PTPN9: variants seen among roughly 807,000 people sequenced by gnomAD.
PTPN9 encodes the protein protein tyrosine phosphatase non-receptor type 9.
Under a neutral mutation model 69.8 loss-of-function variants are expected in PTPN9, and 26 were observed. The observed-to-expected ratio is 0.37, with a 90% CI of 0.27 to 0.52. The LOEUF is 0.52. Among genes scored for constraint, PTPN9 ranks in the 20% least tolerant of loss-of-function variants. The probability of loss-of-function intolerance (pLI) is 0.91; values close to 1 mark genes in which losing one functional copy is unlikely to be tolerated. For synonymous variants in PTPN9, 274 were observed against 272.5 expected (o/e 1.01, Z -0.05); for missense variants, 549 against 740.3 (o/e 0.74, Z 3.00).
intron 1 of PTPN9, among the ~76,000 whole-genome samples, chr15:75,554,732 A>G (rs2075069998): frequency 6.6e-6 from 1 of 152,192 alleles, no homozygotes; most frequent in Non-Finnish European, 1.5e-5. Flanking sequence ...TACCTAAGAG[A>G]CTATTTGCAA....
chr15:75,472,619 C>G (rs1595944924), intron 10 of PTPN9, among the ~76,000 whole-genome samples: 1 of 152,062 alleles, frequency 6.6e-6, no homozygotes, highest in East Asian at 1.9e-4. Flanking sequence ...TGGTAAAACC[C>G]CATCTCTACT....
intron 1 of PTPN9, among the ~76,000 whole-genome samples, chr15:75,570,508 G>C (rs942028932): frequency 4.6e-5 from 7 of 152,160 alleles, no homozygotes; most frequent in African/African-American, 1.7e-4. Flanking sequence ...AGTGGCTCAT[G>C]CCTGTAATCC....
At chr15:75,517,398 A>G in intron 4 of PTPN9, 34 bp from the exon 5 acceptor site, 1 of 1,564,580 alleles carries the variant, frequency 6.4e-7, no homozygotes, top group Non-Finnish European at 8.8e-7. Context: ...AACATTTGTA[A>G]GTAAGCAGAT....
chr15:75,475,424 T>G (rs2074590462), intron 9 of PTPN9, among the ~76,000 whole-genome samples: 1 of 151,950 alleles, frequency 6.6e-6, no homozygotes, highest in Non-Finnish European at 1.5e-5. Flanking sequence ...ACTAAAAATA[T>G]GAAAATTAGC....
At chr15:75,516,741 C>CTTTTTT (rs34906409) in intron 5 of PTPN9, among the ~76,000 whole-genome samples, 5 of 87,926 alleles carry the variant, frequency 5.7e-5, no homozygotes, top group Admixed American at 2.6e-4. Context: ...TGTTCCTGTG[C>CTTTTTT]TTTTTTTTTT....
intron 1 of PTPN9, among the ~76,000 whole-genome samples, chr15:75,557,694 CTAT>C (rs1368110597): frequency 6.6e-6 from 1 of 152,112 alleles, no homozygotes; most frequent in African/African-American, 2.4e-5. Context: ...TAGGGCTTAG[CTAT>C]TATTATTATC....
chr15:75,468,607 C>T lies in PTPN9; in HGVS notation c.*162G>A. The stretch of plus-strand genomic sequence containing the variant: ...CTAGTGGCAATTTCACCACATTTAT[C>T]TAGCCAAAGGGAAAGGCTGCCTTGC... On this transcript the variant is annotated 3_prime_UTR_variant, in exon 13 of 13. Coordinates refer to ENST00000618819, the MANE Select transcript of PTPN9 (RefSeq NM_002833.4). The T allele has an allele frequency of 1.7e-6, 1 of 604,286 alleles. No homozygotes were observed. The highest frequency in any genetic ancestry group is 2.7e-5 in the East Asian group (1 of 36,808). 37.4% of individuals were successfully genotyped at this position (604,286 alleles called of 1,614,324 possible). A position where few individuals can be genotyped will look rare whatever the true frequency, so the allele number is the denominator to read the frequency against.
intron 1 of PTPN9, among the ~76,000 whole-genome samples, chr15:75,554,739 G>A (rs370688869): frequency 1.3e-5 from 2 of 152,282 alleles, no homozygotes; most frequent in East Asian, 3.9e-4. Flanking sequence ...GAGACTATTT[G>A]CAAACCTACA....
At chr15:75,507,344 G>A (rs1156537174) in intron 6 of PTPN9, among the ~76,000 whole-genome samples, 1 of 151,916 alleles carries the variant, frequency 6.6e-6, no homozygotes, top group Non-Finnish European at 1.5e-5. Flanking sequence ...TACTTGGGAG[G>A]CTGAGGCAGG....
chr15:75,480,822 C>T (rs1038846383), intron 8 of PTPN9: 5 of 502,870 alleles, frequency 9.9e-6, no homozygotes, highest in Non-Finnish European at 1.5e-5. Context: ...CCGCGGGGCC[C>T]GAGGGCAAGG....
chr15:75,522,468 C>T (rs1366437743), intron 4 of PTPN9, among the ~76,000 whole-genome samples: 1 of 151,998 alleles, frequency 6.6e-6, no homozygotes, highest in South Asian at 2.1e-4. Flanking sequence ...TGGCTCACTA[C>T]AGCTTCACCA....
chr15:75,508,654 A>G (rs1482689000), intron 6 of PTPN9, among the ~76,000 whole-genome samples: 2 of 152,218 alleles, frequency 1.3e-5, no homozygotes, highest in African/African-American at 2.4e-5. Flanking sequence ...CTTCAGTACT[A>G]TCTTATGCAA....
intron 7 of PTPN9, among the ~76,000 whole-genome samples, chr15:75,500,483 G>C (rs745910718): frequency 6.6e-6 from 1 of 151,996 alleles, no homozygotes; most frequent in Non-Finnish European, 1.5e-5. Context: ...GGTTGCAGTG[G>C]GCCGAAATCA....
chr15:75,576,762 C>T (rs756377402), intron 1 of PTPN9, among the ~76,000 whole-genome samples: 1 of 152,016 alleles, frequency 6.6e-6, no homozygotes, highest in Non-Finnish European at 1.5e-5. Flanking sequence ...GAGCCAAGAT[C>T]AGGCCACTGC....
At position 75,469,002 on chromosome 15, in the gene PTPN9, G is replaced by C; in HGVS notation, c.1568-19C>G. ...AAGGTACCTGAAGAAGGAAGGAAGTGATCACATCTGGTTTACCTCTCTTCT... is the reference window on the plus strand; with the variant it reads ...AAGGTACCTGAAGAAGGAAGGAAGTCATCACATCTGGTTTACCTCTCTTCT... On this transcript the variant is annotated intron_variant, in intron 12 of 12. Coordinates refer to ENST00000618819, the MANE Select transcript of PTPN9 (RefSeq NM_002833.4). The C allele has an allele frequency of 1.3e-6, 2 of 1,588,690 alleles. No individual in the cohort carries two copies. The highest frequency in any genetic ancestry group is 1.7e-6 in the Non-Finnish European group (2 of 1,158,904).
intron 1 of PTPN9, among the ~76,000 whole-genome samples, chr15:75,529,637 C>T (rs757742477): frequency 7.9e-5 from 12 of 152,134 alleles, no homozygotes; most frequent in Admixed American, 2.6e-4. Flanking sequence ...GGACCGGGCA[C>T]GGTGGCCCAC....
At chr15:75,564,214 G>C (rs1477765446) in intron 1 of PTPN9, among the ~76,000 whole-genome samples, 1 of 151,836 alleles carries the variant, frequency 6.6e-6, no homozygotes, top group African/African-American at 2.4e-5. Flanking sequence ...GCCTCCCAAA[G>C]TGTTGGAATT....
At position 75,508,956 on chromosome 15, in the gene PTPN9, G is replaced by A. The variant is rs779565172; in HGVS notation, c.600C>T (p.Ser200=). 4 of 1,614,058 alleles carry A rather than the reference G, an allele frequency of 2.5e-6. No individual in the cohort carries two copies. Among genetic ancestry groups the A allele is most frequent in the Non-Finnish European group, 3.4e-6 (4 of 1,179,946 alleles). The part of the protein sequence containing the change: ...GAPIWFRVPY[S]IISLLLKDKV... ...TGTCCTTCAGGAGGAGACTGATGAT[G>A]GAATAGGGCACTCGGAACCATATGG... Residue 200 remains serine (S), a synonymous_variant, in exon 6 of 13, where the codon TCC becomes TCT. Coordinates refer to ENST00000618819, the MANE Select transcript of PTPN9 (RefSeq NM_002833.4).
intron 6 of PTPN9, among the ~76,000 whole-genome samples, chr15:75,507,328 C>A (rs923278644): frequency 1.3e-5 from 2 of 151,970 alleles, no homozygotes; most frequent in African/African-American, 4.8e-5. Context: ...AGCCTGTAAT[C>A]CCAGCTACTT....
Sources: gnomAD v4.1 joint callset for allele counts (sites outside exome capture counted in the v4.1 genomes callset) on GRCh38, gnomAD v4.1.1 for gene constraint, MANE v1.5 for transcripts, NCBI Gene and HGNC (gene_info 2026-07-23, HGNC 2026-07-21) for gene names.